KPNA1: variants seen among roughly 807,000 people sequenced by gnomAD.
The protein encoded by KPNA1 is importin subunit alpha-5.
Under a neutral mutation model 70.5 loss-of-function variants are expected in KPNA1, and 10 were observed. The ratio of observed to expected loss-of-function variants is 0.14; its 90% CI spans 0.09 to 0.24. KPNA1 has a LOEUF of 0.24. Ranked by LOEUF, KPNA1 falls within the 10% of genes least tolerant of loss-of-function variation. The probability of loss-of-function intolerance (pLI) is 1.00; values close to 1 mark genes in which losing one functional copy is unlikely to be tolerated. For missense variants in KPNA1, 397 were observed against 637.9 expected, an observed-to-expected ratio of 0.62 and a Z score of 4.07; for synonymous variants, 192 against 221.9, an observed-to-expected ratio of 0.87 and a Z score of 1.20.
At chr3:122,437,347 T>C (rs546437218) in intron 10 of KPNA1, 52 bp from the exon 11 acceptor site, 8 of 1,357,220 alleles carry the variant, frequency 5.9e-6, no homozygotes, top group South Asian at 1.5e-5. Flanking sequence ...TAAATATCAA[T>C]GTTTAACTTA....
At chr3:122,481,369 A>C (rs961467739) in intron 2 of KPNA1, among the ~76,000 whole-genome samples, 3 of 152,244 alleles carry the variant, frequency 2.0e-5, no homozygotes, top group Admixed American at 6.5e-5. Flanking sequence ...TACATGTTAC[A>C]ACATGGATCA....
chr3:122,493,489 CA>C (rs2076723477), intron 2 of KPNA1, among the ~76,000 whole-genome samples: 1 of 152,100 alleles, frequency 6.6e-6, no homozygotes, highest in African/African-American at 2.4e-5. Flanking sequence ...TGTTGAGAAG[CA>C]AGCCCACAAA....
At chr3:122,493,740 C>T (rs2076726748) in intron 2 of KPNA1, among the ~76,000 whole-genome samples, 1 of 152,090 alleles carries the variant, frequency 6.6e-6, no homozygotes, top group South Asian at 2.1e-4. Flanking sequence ...ACCCTATCAC[C>T]ACACTGGCTA....
At position 122,464,053 on chromosome 3, in the gene KPNA1, A is replaced by C. The variant is rs775666999; in HGVS notation, c.238-12T>G. The C allele has an allele frequency of 7.1e-7, 1 of 1,403,956 alleles. No individual in the cohort carries two copies. The highest frequency in any genetic ancestry group is 1.9e-5 in the Admixed American group (1 of 52,232). The allele number at this position is 1,403,956 out of a possible 1,614,324, so 87.0% of individuals were successfully genotyped here. On this transcript the variant is annotated splice_polypyrimidine_tract_variant and intron_variant, in intron 3 of 13. Transcript: ENST00000344337. ...GTGATGACACCACCCTGCGATCACA[A>C]ACAAAAAGAACATATAATAAATTAT...
chr3:122,478,893 T>C (rs1331264817), intron 2 of KPNA1, among the ~76,000 whole-genome samples: 1 of 7,624 alleles, frequency 1.3e-4, no homozygotes. Flanking sequence ...AAACCTCGTC[T>C]CAAAAAAAAA....
intron 4 of KPNA1, among the ~76,000 whole-genome samples, chr3:122,462,347 G>A (rs2076333581): frequency 6.6e-6 from 1 of 152,116 alleles, no homozygotes; most frequent in African/African-American, 2.4e-5. Context: ...GCACTAGGGA[G>A]TTTAGTTTGC....
intron 2 of KPNA1, among the ~76,000 whole-genome samples, chr3:122,472,679 C>T (rs945692587): frequency 3.3e-5 from 5 of 152,094 alleles, no homozygotes; most frequent in African/African-American, 9.7e-5. Context: ...AATCATAAAC[C>T]TCTAGCCAAG....
chr3:122,509,247 C>CA (rs112225791), intron 1 of KPNA1, among the ~76,000 whole-genome samples: 22,407 of 121,950 alleles, frequency 0.18, 1,729 homozygotes, highest in East Asian at 0.35. Flanking sequence ...CTCTATCAAA[C>CA]AAAAAAAAAA....
In KPNA1 at chr3:122,465,904, A is replaced by G. The variant is rs1014075024; in HGVS notation, c.237+1418T>C. 2.0e-5 allele frequency among the ~76,000 whole-genome samples: 3 copies of G among 152,256 alleles called. No individual in the cohort carries two copies. In the East Asian group the frequency reaches 5.8e-4, roughly 29 times the overall value. Reference sequence around the variant, plus strand: ...TTTATAGTGGGCCAGTGTGCCCTACAGATTTCACACTTGCCAGCTCCCAAA... The same window carrying G: ...TTTATAGTGGGCCAGTGTGCCCTACGGATTTCACACTTGCCAGCTCCCAAA... On this transcript the variant is annotated intron_variant, in intron 3 of 13. Transcript: ENST00000344337.
chr3:122,468,996 CAGG>C (rs1193790548), intron 2 of KPNA1, among the ~76,000 whole-genome samples: 11 of 152,084 alleles, frequency 7.2e-5, no homozygotes, highest in African/African-American at 2.4e-4. Context: ...ATGGAACTAT[CAGG>C]AGGAGAGGAA....
intron 2 of KPNA1, among the ~76,000 whole-genome samples, chr3:122,469,635 A>G (rs1488461451): frequency 6.6e-6 from 1 of 152,214 alleles, no homozygotes; most frequent in Non-Finnish European, 1.5e-5. Flanking sequence ...GAGAAACAGC[A>G]GCCCAACCCA....
chr3:122,466,420 G>C (rs1157538868), intron 3 of KPNA1, among the ~76,000 whole-genome samples: 1 of 151,858 alleles, frequency 6.6e-6, no homozygotes, highest in Non-Finnish European at 1.5e-5. Flanking sequence ...ACAAACAACA[G>C]TACCTTTTAG....
chr3:122,513,706 C>G (rs990746411), intron 1 of KPNA1, among the ~76,000 whole-genome samples: 4 of 151,584 alleles, frequency 2.6e-5, no homozygotes, highest in African/African-American at 9.7e-5. Context: ...TTTTAAGCAA[C>G]CGTTTATTTA....
intron 1 of KPNA1, among the ~76,000 whole-genome samples, chr3:122,498,369 G>T (rs1297983778): frequency 6.6e-6 from 1 of 152,104 alleles, no homozygotes; most frequent in Non-Finnish European, 1.5e-5. Flanking sequence ...AAAAGATAAG[G>T]CATCTGTAAA....
intron 12 of KPNA1, among the ~76,000 whole-genome samples, chr3:122,429,817 T>TA (rs1193267302): frequency 1.3e-5 from 2 of 152,296 alleles, no homozygotes; most frequent in East Asian, 3.9e-4. Context: ...GACAGTGTGG[T>TA]ATTGGTGAAA....
At chr3:122,443,518 A>T (rs1193706807) in intron 9 of KPNA1, among the ~76,000 whole-genome samples, 2 of 152,008 alleles carry the variant, frequency 1.3e-5, no homozygotes, top group African/African-American at 4.8e-5. Context: ...GGGTCCCTGA[A>T]CCCCGTGTAG....
chr3:122,496,396 T>C, intron 2 of KPNA1, 41 bp downstream of exon 2: 2 of 1,584,408 alleles, frequency 1.3e-6, no homozygotes, highest in Non-Finnish European at 1.7e-6. Context: ...AAATGGAACA[T>C]TAAATTCTTT....
At chr3:122,434,241 C>A (rs1483513824) in intron 11 of KPNA1, among the ~76,000 whole-genome samples, 1 of 152,158 alleles carries the variant, frequency 6.6e-6, no homozygotes, top group Non-Finnish European at 1.5e-5. Context: ...CCAGCCTATC[C>A]CTAATCCTTA....
At chr3:122,464,190 G>A (rs561414219) in intron 3 of KPNA1, 149 bp from the exon 4 acceptor site, 21 of 422,684 alleles carry the variant, frequency 5.0e-5, no homozygotes, top group Admixed American at 4.2e-4. Flanking sequence ...ATATAGAAAC[G>A]TGTAAGATTA....
Sources: allele counts gnomAD v4.1 joint callset (sites outside exome capture counted in the v4.1 genomes callset), GRCh38; gene constraint gnomAD v4.1.1; transcripts MANE v1.5; gene names NCBI Gene and HGNC (gene_info 2026-07-23, HGNC 2026-07-21).